CLSPN: variants seen among roughly 807,000 people sequenced by gnomAD.
The protein encoded by CLSPN is claspin.
CLSPN carries 85 observed loss-of-function variants against 156.3 expected under a neutral mutation model. The ratio of observed to expected loss-of-function variants is 0.54; its 90% confidence interval spans 0.46 to 0.65. CLSPN has a LOEUF of 0.65. Ranked by LOEUF, CLSPN falls within the 30% of genes least tolerant of loss-of-function variation. CLSPN has a pLI of 0.00. For synonymous variants in CLSPN, 534 were observed against 542.4 expected, an observed-to-expected ratio of 0.98 and a Z score of 0.22; for missense variants, 1,407 against 1,554.9, an observed-to-expected ratio of 0.90 and a Z score of 1.60.
Position 35,733,797 on chromosome 1 carries a change from G to A in CLSPN, c.*2699C>T. The stretch of plus-strand genomic sequence containing the variant: ...GTTCAAGATCAGCTGGGGCAACACA[G>A]CAAGACCCTGTCTCTACTAAAATAA... On this transcript the variant is annotated 3_prime_UTR_variant, in exon 25 of 25. Transcript: ENST00000318121. 1 of 622,646 alleles carries A rather than the reference G, an allele frequency of 1.6e-6. No homozygotes were observed. The highest frequency in any genetic ancestry group is 2.0e-6 in the Non-Finnish European group (1 of 499,632). The allele number at this position is 622,646 out of a possible 1,614,324, so 38.6% of individuals were successfully genotyped here.
intron 10 of CLSPN, among the ~76,000 whole-genome samples, chr1:35,750,759 T>G (rs1204477783): frequency 6.6e-6 from 1 of 151,966 alleles, no homozygotes; most frequent in Non-Finnish European, 1.5e-5. Flanking sequence ...CAGAAAACAG[T>G]ACTACGGAAC....
At chr1:35,725,532 C>T (rs1641161861) in intron 24 of CLSPN, among the ~76,000 whole-genome samples, 1 of 151,884 alleles carries the variant, frequency 6.6e-6, no homozygotes, top group African/African-American at 2.4e-5. Flanking sequence ...CCCACCCCAC[C>T]CTCCGGCCGC....
chr1:35,732,971 CT>C lies in CLSPN; in HGVS notation c.*3524del, dbSNP rs1003458777. ...CAATCAGAAACCATTTTCTTTCTTT[CT>C]TTTTTTTTTTGAGAGGGAGTCTCAC... On this transcript the variant is annotated 3_prime_UTR_variant, in exon 25 of 25. Transcript: ENST00000318121. The C allele has an allele frequency of 0.025, 16,847 of 674,506 alleles. No individual in the cohort carries two copies. The highest frequency in any genetic ancestry group is 0.028 in the Non-Finnish European group (15,312 of 548,374). The allele number at this position is 674,506 out of a possible 1,614,324, so 41.8% of individuals were successfully genotyped here.
intron 24 of CLSPN, among the ~76,000 whole-genome samples, chr1:35,724,813 G>C (rs973227175): frequency 3.3e-5 from 5 of 152,092 alleles, no homozygotes; most frequent in African/African-American, 1.2e-4. Context: ...GGTTCATCTT[G>C]GGAAAGGAAG....
intron 24 of CLSPN, among the ~76,000 whole-genome samples, chr1:35,723,807 A>G (rs1437345623): frequency 6.6e-6 from 1 of 152,216 alleles, no homozygotes; most frequent in Non-Finnish European, 1.5e-5. Flanking sequence ...CCTGATCAAC[A>G]TGGTGAAACC....
Position 35,763,406 on chromosome 1 carries a change from C to T in CLSPN, c.583-85G>A, listed in dbSNP as rs148838297. On this transcript the variant is annotated intron_variant, in intron 3 of 24. Coordinates refer to ENST00000318121, the MANE Select transcript of CLSPN (RefSeq NM_022111.4). ...CATCATATGGCAATTTGGATCAGGC[C>T]AGAAAAAGCCCATGTTTCATCAACA... 104 of 980,046 alleles carry T rather than the reference C, an allele frequency of 1.1e-4. No homozygotes were observed. In the African/African-American group the frequency reaches 1.6e-3, roughly 15 times the overall value. The allele number at this position is 980,046 out of a possible 1,614,324, so 60.7% of individuals were successfully genotyped here. A position where few individuals can be genotyped will look rare whatever the true frequency, so the allele number is the denominator to read the frequency against.
chr1:35,748,365 CAA>C lies in CLSPN; in HGVS notation c.2472+38_2472+39del, dbSNP rs1372121744. 5 of 1,568,342 alleles carry C rather than the reference CAA, an allele frequency of 3.2e-6. No homozygotes were observed. In the Admixed American group the frequency reaches 6.7e-5, roughly 21 times the overall value. On this transcript the variant is annotated intron_variant, in intron 13 of 24. Coordinates refer to ENST00000318121, the MANE Select transcript of CLSPN (RefSeq NM_022111.4). ...AAACTTTATTTAGCAATGTGGGAAG[CAA>C]AGAGAGGAGGAGATTAGAAAAACCA...
chr1:35,741,743 G>A (rs1415564172), intron 18 of CLSPN, among the ~76,000 whole-genome samples: 1 of 151,968 alleles, frequency 6.6e-6, no homozygotes, highest in Non-Finnish European at 1.5e-5. Flanking sequence ...GGAAGGCCAA[G>A]GCGGGTGGAT....
rs1221374268 is a variant in CLSPN at position 35,732,744 on chromosome 1, A to C, written c.*3752T>G. On this transcript the variant is annotated 3_prime_UTR_variant, in exon 25 of 25. Coordinates refer to ENST00000318121, the MANE Select transcript of CLSPN (RefSeq NM_022111.4). ...CATAGTGGCAGGTCCTGGGGCTTCA[A>C]TTTCATTAAAACATAACTGATGCTG... is the stretch of plus-strand genomic sequence containing the variant. 1.0e-6 allele frequency: 1 copy of C among 985,282 alleles called. No individual in the cohort carries two copies. Among genetic ancestry groups the C allele is most frequent in the Non-Finnish European group, 1.2e-6 (1 of 829,934 alleles). 61.0% of individuals were successfully genotyped at this position (985,282 alleles called of 1,614,324 possible).
At chr1:35,728,889 A>G (rs948079860), downstream of CLSPN, among the ~76,000 whole-genome samples, 2 of 150,174 alleles carry the variant, frequency 1.3e-5, no homozygotes, top group Non-Finnish European at 3.0e-5. Context: ...GTCTAACTAC[A>G]GAGACATTCA....
chr1:35,735,129 C>A lies in CLSPN; in HGVS notation c.*1367G>T. On this transcript the variant is annotated 3_prime_UTR_variant, in exon 25 of 25. Coordinates refer to ENST00000318121, the MANE Select transcript of CLSPN (RefSeq NM_022111.4). ...TTCTTGTCAGACCCAGAAGGGAGAT[C>A]TTTGAACAACAGTGCTTCAAATTGA... is the stretch of plus-strand genomic sequence containing the variant. 1 of 985,392 alleles carries A rather than the reference C, an allele frequency of 1.0e-6. No individual in the cohort carries two copies. Among genetic ancestry groups the A allele is most frequent in the Non-Finnish European group, 1.2e-6 (1 of 829,920 alleles). The allele number at this position is 985,392 out of a possible 1,614,324, so 61.0% of individuals were successfully genotyped here.
rs33972058 is a variant in CLSPN, at chr1:35,763,797, G to GTT, written c.582+467_582+468dup. On this transcript the variant is annotated intron_variant, in intron 3 of 24. Coordinates refer to ENST00000318121, the MANE Select transcript of CLSPN (RefSeq NM_022111.4). The stretch of plus-strand genomic sequence containing the variant: ...AATAAGTTTTGTTTTTTTGGTTTTT[G>GTT]TTTTTTTTTTTTTTGAGACAGGGTC... Among the ~76,000 whole-genome samples the GTT allele has an allele frequency of 1.4e-3, 200 of 139,066 alleles. 2 individuals carry two copies. Among genetic ancestry groups the GTT allele is most frequent in the African/African-American group, 4.0e-3 (153 of 38,226 alleles). 91.2% of individuals were successfully genotyped at this position (139,066 alleles called of 152,430 possible).
Position 35,743,260 on chromosome 1 carries a change from A to G in CLSPN, c.3043-19T>C. 6.3e-7 allele frequency: 1 copy of G among 1,586,698 alleles called. No homozygotes were observed. Among genetic ancestry groups the G allele is most frequent in the East Asian group, 2.2e-5 (1 of 44,750 alleles). ...GTTCATCCTACAAAATCAGCATCAT[A>G]TCCAAATTAAGCAGAATAAAATGCG... On this transcript the variant is annotated intron_variant, in intron 17 of 24. Transcript: ENST00000318121.
At chr1:35,762,639 C>T (rs1170768021) in intron 4 of CLSPN, among the ~76,000 whole-genome samples, 158 bp from the exon 5 acceptor site, 2 of 152,106 alleles carry the variant, frequency 1.3e-5, no homozygotes, top group East Asian at 3.8e-4. Context: ...TCCTATTATG[C>T]TTAGAAAACA....
chr1:35,768,573 C>T (rs932302755), intron 1 of CLSPN, among the ~76,000 whole-genome samples: 1 of 145,874 alleles, frequency 6.9e-6, no homozygotes, highest in Non-Finnish European at 1.5e-5. Context: ...AGGCGACGCC[C>T]GGCTAATTTT....
chr1:35,749,576 T>C (rs1210719300), intron 11 of CLSPN, 45 bp from the exon 12 acceptor site: 4 of 1,613,862 alleles, frequency 2.5e-6, no homozygotes, highest in Non-Finnish European at 3.4e-6. Context: ...GTTCCTAGTT[T>C]TTACAGGAGG....
At chr1:35,745,797 T>G (rs1341456590) in intron 15 of CLSPN, among the ~76,000 whole-genome samples, 1 of 152,232 alleles carries the variant, frequency 6.6e-6, no homozygotes. Flanking sequence ...AGAGCTTATG[T>G]TCGATCTAGC....
At chr1:35,757,639 A>G (rs934752942) in intron 8 of CLSPN, among the ~76,000 whole-genome samples, 2 of 152,236 alleles carry the variant, frequency 1.3e-5, no homozygotes, top group Admixed American at 6.5e-5. Context: ...GTTGGTACTC[A>G]AAAAATGTTT....
chr1:35,758,510 T>C (rs1642360718), intron 8 of CLSPN, among the ~76,000 whole-genome samples: 1 of 152,050 alleles, frequency 6.6e-6, no homozygotes, highest in South Asian at 2.1e-4. Context: ...CTGGGTGTGG[T>C]GGCGGGTACC....
Sources: gnomAD v4.1 joint callset for allele counts (sites outside exome capture counted in the v4.1 genomes callset) on GRCh38, gnomAD v4.1.1 for gene constraint, MANE v1.5 for transcripts, NCBI Gene and HGNC (gene_info 2026-07-23, HGNC 2026-07-21) for gene names.